Variants in IPO11 observed in about 807,000 individuals in gnomAD.
IPO11 encodes the protein importin-11.
Under a neutral mutation model 143.2 loss-of-function variants are expected in IPO11, and 66 were observed. The ratio of observed to expected loss-of-function variants is 0.46; its 90% confidence interval spans 0.38 to 0.57. IPO11 has a LOEUF of 0.57. Among genes scored for constraint, IPO11 ranks in the 20% least tolerant of loss-of-function variants. The pLI is 0.00. For synonymous variants in IPO11, 385 were observed against 377.8 expected (o/e 1.02, Z -0.22); for missense variants, 1,026 against 1,141.0 (o/e 0.90, Z 1.45).
chr5:62,426,054 G>A (rs956044504), intron 1 of IPO11, among the ~76,000 whole-genome samples: 3 of 152,140 alleles, frequency 2.0e-5, no homozygotes, highest in African/African-American at 7.2e-5. Context: ...TTGACTCTTG[G>A]TAAACACTGC....
At chr5:62,426,886 G>A (rs1377863566) in intron 1 of IPO11, among the ~76,000 whole-genome samples, 1 of 147,504 alleles carries the variant, frequency 6.8e-6, no homozygotes, top group Non-Finnish European at 1.5e-5. Context: ...ATTGGTTTAG[G>A]CAGGTTTAAA....
chr5:62,437,288 C>T lies in IPO11; in HGVS notation c.9C>T (p.Leu3=). 6.2e-7 allele frequency: 1 copy of T among 1,603,270 alleles called. No homozygotes were observed. Among genetic ancestry groups the T allele is most frequent in the African/African-American group, 1.3e-5 (1 of 74,668 alleles). Reference sequence around the variant, plus strand: ...ATCATTGCCAGGTTTCCATGGATCTCAATAGTGCCAGCACTGTTGTTCTTC... The same window carrying T: ...ATCATTGCCAGGTTTCCATGGATCTTAATAGTGCCAGCACTGTTGTTCTTC... The part of the protein sequence containing the change: MD[L]NSASTVVLQV... Residue 3 remains leucine (L), a synonymous_variant, in exon 2 of 30, where the codon CTC becomes CTT. Coordinates refer to ENST00000325324, the MANE Select transcript of IPO11 (RefSeq NM_016338.5).
intron 16 of IPO11, among the ~76,000 whole-genome samples, chr5:62,499,569 CTTTT>C (rs35545041): frequency 1.0e-4 from 10 of 100,092 alleles, no homozygotes; most frequent in African/African-American, 3.4e-4. Context: ...CTTACTCTAA[CTTTT>C]TTTTTTTTTT....
intron 19 of IPO11, among the ~76,000 whole-genome samples, chr5:62,509,996 C>T (rs1040958954): frequency 7.9e-5 from 12 of 152,142 alleles, no homozygotes; most frequent in Admixed American, 2.6e-4. Flanking sequence ...GTGGCTGTAA[C>T]ATTTTACATT....
intron 27 of IPO11, chr5:62,580,931 A>T (rs2112405539): frequency 6.4e-7 from 1 of 1,551,386 alleles, no homozygotes; most frequent in East Asian, 2.4e-5. Context: ...AACTTGGAAA[A>T]AAACAGTGCT....
intron 19 of IPO11, among the ~76,000 whole-genome samples, chr5:62,509,348 T>TA (rs1280539626): frequency 6.6e-6 from 1 of 152,168 alleles, no homozygotes; most frequent in Non-Finnish European, 1.5e-5. Context: ...ACCCCAATGA[T>TA]AGAGCCCTCA....
chr5:62,468,187 A>G (rs887523998), intron 6 of IPO11, among the ~76,000 whole-genome samples: 2 of 152,100 alleles, frequency 1.3e-5, no homozygotes, highest in Non-Finnish European at 2.9e-5. Flanking sequence ...AAGTGATAGG[A>G]TTACAGGGAT....
At chr5:62,467,572 G>A (rs145577421) in intron 6 of IPO11, among the ~76,000 whole-genome samples, 35 of 151,950 alleles carry the variant, frequency 2.3e-4, no homozygotes, top group African/African-American at 8.2e-4. Flanking sequence ...TCTCATTCTG[G>A]ACCCCTACAC....
chr5:62,610,287 G>GT (rs1006881332), intron 29 of IPO11, among the ~76,000 whole-genome samples: 20 of 151,328 alleles, frequency 1.3e-4, no homozygotes, highest in Non-Finnish European at 2.6e-4. Context: ...AAATGATTTT[G>GT]TTTTTTTCTT....
At chr5:62,428,691 G>T (rs1051961852) in intron 1 of IPO11, among the ~76,000 whole-genome samples, 1 of 151,968 alleles carries the variant, frequency 6.6e-6, no homozygotes, top group Non-Finnish European at 1.5e-5. Flanking sequence ...TAGAGACAGG[G>T]TCTCACTTTG....
At chr5:62,527,350 A>T (rs1742402024) in intron 21 of IPO11, among the ~76,000 whole-genome samples, 1 of 152,084 alleles carries the variant, frequency 6.6e-6, no homozygotes, top group Admixed American at 6.6e-5. Flanking sequence ...CAACTATTTG[A>T]CTCTGCTGTC....
intron 2 of IPO11, among the ~76,000 whole-genome samples, chr5:62,441,831 A>T (rs911563374): frequency 2.0e-5 from 3 of 148,832 alleles, no homozygotes; most frequent in Non-Finnish European, 3.0e-5. Context: ...TATATCTCTT[A>T]AAAATGTTCT....
chr5:62,478,149 G>A, intron 9 of IPO11, among the ~76,000 whole-genome samples: 1 of 151,956 alleles, frequency 6.6e-6, no homozygotes, highest in Non-Finnish European at 1.5e-5. Context: ...TCTTTAAGTG[G>A]TAGGGTTGTT....
At chr5:62,566,401 ATGTT>A (rs901748830) in intron 27 of IPO11, among the ~76,000 whole-genome samples, 167 of 151,726 alleles carry the variant, frequency 1.1e-3, no homozygotes, top group African/African-American at 3.7e-3. Context: ...TTTTTTTCAT[ATGTT>A]TGTTGGGTGC....
intron 27 of IPO11, among the ~76,000 whole-genome samples, chr5:62,585,635 G>A (rs1175915705): frequency 1.3e-5 from 2 of 152,118 alleles, no homozygotes; most frequent in East Asian, 3.8e-4. Flanking sequence ...TTGCTTTAAA[G>A]CAAGGAAAAG....
rs375139405 is a variant in IPO11, at chr5:62,561,048, G to A, written c.2461-88G>A. The A allele has an allele frequency of 6.8e-5, 80 of 1,173,518 alleles. 2 individuals are homozygous for A. The highest frequency in any genetic ancestry group is 5.8e-4 in the South Asian group (33 of 57,198). The allele number at this position is 1,173,518 out of a possible 1,614,324, so 72.7% of individuals were successfully genotyped here. A position where few individuals can be genotyped will look rare whatever the true frequency, so the allele number is the denominator to read the frequency against. On this transcript the variant is annotated intron_variant, in intron 26 of 29. Coordinates refer to ENST00000325324, the MANE Select transcript of IPO11 (RefSeq NM_016338.5). ...TTTACTATAATTGAATTTTAACCATGACTTATGAGGCTTTAGCCTTTAAAA... is the reference window on the plus strand; with the variant it reads ...TTTACTATAATTGAATTTTAACCATAACTTATGAGGCTTTAGCCTTTAAAA...
At chr5:62,585,610 GAAAGGTAT>G (rs1040594322) in intron 27 of IPO11, among the ~76,000 whole-genome samples, 1 of 152,136 alleles carries the variant, frequency 6.6e-6, no homozygotes, top group African/African-American at 2.4e-5. Flanking sequence ...GAAAGTTACT[GAAAGGTAT>G]AAACTTTTGC....
intron 28 of IPO11, among the ~76,000 whole-genome samples, chr5:62,594,146 A>T (rs1372535678): frequency 1.3e-5 from 2 of 152,244 alleles, no homozygotes; most frequent in African/African-American, 4.8e-5. Flanking sequence ...TCAGTAGTGT[A>T]CTAGGGTTCT....
At chr5:62,531,561 C>T (rs750460378) in intron 22 of IPO11, among the ~76,000 whole-genome samples, 1 of 152,126 alleles carries the variant, frequency 6.6e-6, no homozygotes, top group Non-Finnish European at 1.5e-5. Context: ...AACTCCTGAC[C>T]TCGTGATCTG....
Sources: allele counts gnomAD v4.1 joint callset (sites outside exome capture counted in the v4.1 genomes callset), GRCh38; gene constraint gnomAD v4.1.1; transcripts MANE v1.5; gene names NCBI Gene and HGNC (gene_info 2026-07-23, HGNC 2026-07-21).